DNM2: variants seen among roughly 807,000 people sequenced by gnomAD.
The protein encoded by DNM2 is dynamin-2.
A neutral mutation model predicts 99.0 loss-of-function variants in DNM2; 15 were observed. The observed-to-expected ratio is 0.15, with a 90% CI of 0.10 to 0.23. The LOEUF (loss-of-function observed/expected upper bound fraction) is 0.23, where lower values mean the gene tolerates loss of function less well. Among genes scored for constraint, DNM2 ranks in the 10% least tolerant of loss-of-function variants. The pLI is 1.00. For missense variants in DNM2, 742 were observed against 1,189.4 expected, an observed-to-expected ratio of 0.62 and a Z score of 5.53; for synonymous variants, 525 against 481.2, an observed-to-expected ratio of 1.09 and a Z score of -1.19.
At chr19:10,827,216 A>G (rs560295189) in intron 18 of DNM2, among the ~76,000 whole-genome samples, 122 of 152,296 alleles carry the variant, frequency 8.0e-4, no homozygotes, top group Non-Finnish European at 1.0e-3. Flanking sequence ...GATCGGAGAC[A>G]TATACGGTTC....
In DNM2 at chr19:10,812,432, G is replaced by T. The variant is rs1216557043; in HGVS notation, c.1671+55G>T. On this transcript the variant is annotated intron_variant, in intron 15 of 20. Transcript: ENST00000389253. The surrounding 1 kb of genome is among the most constrained non-coding windows in gnomAD (Gnocchi z 4.0). The stretch of plus-strand genomic sequence containing the variant: ...GGGTAGGTGGGGCAGCCAGGGAAGA[G>T]CGGGTGGGCGCTCCCTCTGGGCAGA... 7.0e-7 allele frequency: 1 copy of T among 1,437,828 alleles called. No individual in the cohort carries two copies. The highest frequency in any genetic ancestry group is 9.6e-7 in the Non-Finnish European group (1 of 1,046,644). The allele number at this position is 1,437,828 out of a possible 1,614,324, so 89.1% of individuals were successfully genotyped here. A position where few individuals can be genotyped will look rare whatever the true frequency, so the allele number is the denominator to read the frequency against.
At chr19:10,774,135 C>T (rs2071073018) in intron 3 of DNM2, among the ~76,000 whole-genome samples, 1 of 152,196 alleles carries the variant, frequency 6.6e-6, no homozygotes, top group South Asian at 2.1e-4. Context: ...ATTTTAGGTT[C>T]TTCAGATGAC....
rs2071124556 is a variant in DNM2 at position 10,775,525 on chromosome 19, G to T, written c.386-178G>T. ...TGGAGTAGGTAGAAGGTATCTGTAGGATGGGATCCTAGAAGGGGAGTTACT... is the reference window on the plus strand; with the variant it reads ...TGGAGTAGGTAGAAGGTATCTGTAGTATGGGATCCTAGAAGGGGAGTTACT... On this transcript the variant is annotated intron_variant, in intron 3 of 20. Coordinates refer to ENST00000389253, the MANE Select transcript of DNM2 (RefSeq NM_001005361.3). The surrounding 1 kb of genome is among the most constrained non-coding windows in gnomAD (Gnocchi z 4.3). Among the ~76,000 whole-genome samples, 2 of 152,314 alleles carry T rather than the reference G, an allele frequency of 1.3e-5. No homozygotes were observed. The highest frequency in any genetic ancestry group is 4.1e-4 in the South Asian group (2 of 4,830).
Position 10,795,977 on chromosome 19 carries a change from C to A in DNM2, c.1196+538C>A. ...CACAACCTTCATTCCTTGTTGGGGA[C>A]CCGGCCAGGGCCAATGAAATTGCTG... On this transcript the variant is annotated intron_variant, in intron 9 of 20. Coordinates refer to ENST00000389253, the MANE Select transcript of DNM2 (RefSeq NM_001005361.3). This position sits in a 1 kb window ranked among gnomAD's most constrained non-coding sequence, Gnocchi z 4.2. 2 of 1,602,008 alleles carry A rather than the reference C, an allele frequency of 1.2e-6. No homozygotes were observed. Among genetic ancestry groups the A allele is most frequent in the Non-Finnish European group, 8.5e-7 (1 of 1,176,162 alleles).
At chr19:10,771,628 T>C (rs900240636) in intron 2 of DNM2, among the ~76,000 whole-genome samples, 1 of 152,078 alleles carries the variant, frequency 6.6e-6, no homozygotes, top group Non-Finnish European at 1.5e-5. Flanking sequence ...TGGTGGACCA[T>C]GAATCCACAA....
chr19:10,825,846 T>TC (rs1163764671), intron 18 of DNM2, among the ~76,000 whole-genome samples: 2 of 95,948 alleles, frequency 2.1e-5, no homozygotes, highest in East Asian at 6.7e-4. Flanking sequence ...AGAGCGAGAC[T>TC]CCATCTCAAA....
At chr19:10,789,693 G>A (rs770545564) in intron 7 of DNM2, among the ~76,000 whole-genome samples, 12 of 152,056 alleles carry the variant, frequency 7.9e-5, no homozygotes, top group Non-Finnish European at 1.3e-4. Flanking sequence ...AATTAGCCAG[G>A]TGTGGTGGTG....
At chr19:10,823,937 C>T (rs748625096) in intron 17 of DNM2, 38 bp downstream of exon 17, 1 of 1,601,842 alleles carries the variant, frequency 6.2e-7, no homozygotes, top group South Asian at 1.1e-5. Flanking sequence ...CCAGAGCCCC[C>T]ACCTGGGAGA....
At position 10,741,455 on chromosome 19, in the gene DNM2, T is replaced by C. The variant is rs1253431092; in HGVS notation, c.162-18283T>C. On this transcript the variant is annotated intron_variant, in intron 1 of 20. Transcript: ENST00000389253. ...TATTGACCAGGCTGGCCTTGAACTC[T>C]TGGGCTCAAGTGATCCTCTCATCTT... is the stretch of plus-strand genomic sequence containing the variant. 5.3e-5 allele frequency among the ~76,000 whole-genome samples: 8 copies of C among 152,124 alleles called. No individual in the cohort carries two copies. In the East Asian group the frequency reaches 1.5e-3, roughly 29 times the overall value.
At chr19:10,777,877 G>A (rs551215208) in intron 5 of DNM2, among the ~76,000 whole-genome samples, 69 of 152,128 alleles carry the variant, frequency 4.5e-4, no homozygotes, top group African/African-American at 1.6e-3. Flanking sequence ...TTACAGCCAT[G>A]AGCCACCGCA....
chr19:10,743,859 C>T (rs1049631484), intron 1 of DNM2, among the ~76,000 whole-genome samples: 6 of 144,950 alleles, frequency 4.1e-5, no homozygotes, highest in Non-Finnish European at 7.5e-5. Flanking sequence ...TGGTGGCGTG[C>T]GCCTGTAGTC....
Position 10,831,259 on chromosome 19 carries a change from G to A in DNM2, c.*212G>A, listed in dbSNP as rs1202402796. The stretch of plus-strand genomic sequence containing the variant: ...AGGGGCCCTGGAGCTCCAGGCAGGG[G>A]GCGCTGGGGTGTTGCACTTTGGGGG... On this transcript the variant is annotated 3_prime_UTR_variant, in exon 21 of 21. Transcript: ENST00000389253. The surrounding 1 kb of genome is among the most constrained non-coding windows in gnomAD (Gnocchi z 4.3). The A allele has an allele frequency of 3.1e-5, 41 of 1,324,632 alleles. No individual in the cohort carries two copies. Among genetic ancestry groups the A allele is most frequent in the Admixed American group, 3.9e-5 (1 of 25,972 alleles). 82.1% of individuals were successfully genotyped at this position (1,324,632 alleles called of 1,614,324 possible). A position where few individuals can be genotyped will look rare whatever the true frequency, so the allele number is the denominator to read the frequency against.
At chr19:10,827,085 A>G (rs1362401441) in intron 18 of DNM2, among the ~76,000 whole-genome samples, 1 of 152,064 alleles carries the variant, frequency 6.6e-6, no homozygotes, top group Non-Finnish European at 1.5e-5. Context: ...CCCCATCCCT[A>G]TTTAAAACAC....
rs1205410554 is a variant in DNM2, at chr19:10,765,690, C to T, written c.235+5879C>T. Among the ~76,000 whole-genome samples, 1 of 152,226 alleles carries T rather than the reference C, an allele frequency of 6.6e-6. No homozygotes were observed. Among genetic ancestry groups the T allele is most frequent in the African/African-American group, 2.4e-5 (1 of 41,462 alleles). On this transcript the variant is annotated intron_variant, in intron 2 of 20. Coordinates refer to ENST00000389253, the MANE Select transcript of DNM2 (RefSeq NM_001005361.3). This position sits in a 1 kb window ranked among gnomAD's most constrained non-coding sequence, Gnocchi z 4.4. ...TGTGCTGTGCCCACTTCTTGGTCTG[C>T]TGAAGGCTCTCAAAAGTCCTGCATG...
In DNM2 at chr19:10,765,181, A is replaced by G. The variant is rs2070759639; in HGVS notation, c.235+5370A>G. Among the ~76,000 whole-genome samples, 1 of 151,276 alleles carries G rather than the reference A, an allele frequency of 6.6e-6. No individual in the cohort carries two copies. Among genetic ancestry groups the G allele is most frequent in the Non-Finnish European group, 1.5e-5 (1 of 67,838 alleles). On this transcript the variant is annotated intron_variant, in intron 2 of 20. Transcript: ENST00000389253. This position sits in a 1 kb window ranked among gnomAD's most constrained non-coding sequence, Gnocchi z 4.4. ...CACCGTGTTAGCCAGGATGGTCTCG[A>G]TCTCCTGACCTCGTGATCCGCCCAC...
chr19:10,750,350 G>A (rs2070148679), intron 1 of DNM2, among the ~76,000 whole-genome samples: 2 of 152,044 alleles, frequency 1.3e-5, no homozygotes, highest in South Asian at 4.1e-4. Context: ...ATGGTGGTGT[G>A]TGCCTGCAGT....
intron 2 of DNM2, among the ~76,000 whole-genome samples, chr19:10,766,156 C>T (rs2145884068): frequency 6.6e-6 from 1 of 152,320 alleles, no homozygotes; most frequent in African/African-American, 2.4e-5. Context: ...TCCTCACCTC[C>T]CCAAACCCTG....
intron 1 of DNM2, among the ~76,000 whole-genome samples, chr19:10,731,507 C>T (rs2069316370): frequency 6.6e-6 from 1 of 152,138 alleles, no homozygotes; most frequent in African/African-American, 2.4e-5. Flanking sequence ...TGTGCACCAC[C>T]ACGCCTGGCT....
At chr19:10,757,037 A>C (rs2070411354) in intron 1 of DNM2, among the ~76,000 whole-genome samples, 1 of 152,184 alleles carries the variant, frequency 6.6e-6, no homozygotes, top group South Asian at 2.1e-4. Context: ...CCTAAATCCC[A>C]GCTGGTGGCA....
Sources: gnomAD v4.1 joint callset for allele counts (sites outside exome capture counted in the v4.1 genomes callset) on GRCh38, gnomAD v4.1.1 for gene constraint, Gnocchi (gnomAD v3.1) non-coding constraint, MANE v1.5 for transcripts, NCBI Gene and HGNC (gene_info 2026-07-23, HGNC 2026-07-21) for gene names.